Variants in YAF2 observed in about 807,000 individuals in gnomAD.
YAF2 encodes the protein YY1-associated factor 2.
YAF2 carries 7 observed loss-of-function variants against 20.1 expected under a neutral mutation model. The ratio of observed to expected loss-of-function variants is 0.35; its 90% CI spans 0.20 to 0.65. The LOEUF (loss-of-function observed/expected upper bound fraction) is 0.65. Ranked by LOEUF, YAF2 falls within the 30% of genes least tolerant of loss-of-function variation. The pLI, the probability that YAF2 is intolerant of heterozygous loss-of-function variation, is 0.69. For synonymous variants in YAF2, 74 were observed against 76.0 expected, an observed-to-expected ratio of 0.97 and a Z score of 0.14; for missense variants, 151 against 219.2, an observed-to-expected ratio of 0.69 and a Z score of 1.96.
At chr12:42,167,952 T>C (rs1445285700) in intron 2 of YAF2, among the ~76,000 whole-genome samples, 2 of 152,184 alleles carry the variant, frequency 1.3e-5, no homozygotes, top group Non-Finnish European at 2.9e-5. Flanking sequence ...TCTGACTGCA[T>C]CCCAAGATTA....
In YAF2 at chr12:42,220,110, C is replaced by T. The variant is rs191803376; in HGVS notation, c.152+17489G>A. On this transcript the variant is annotated intron_variant, in intron 2 of 3. Coordinates refer to ENST00000534854, the MANE Select transcript of YAF2 (RefSeq NM_005748.6). ...AGAAGGCCCTAAAATGGGAAAAAGT[C>T]TACTTTTTTCCCATTCTTCCAATGA... is the stretch of plus-strand genomic sequence containing the variant. Among the ~76,000 whole-genome samples the T allele has an allele frequency of 1.7e-3, 263 of 152,230 alleles. 1 individual carries two copies. Among genetic ancestry groups the T allele is most frequent in the Non-Finnish European group, 3.0e-3 (201 of 68,016 alleles).
chr12:42,235,960 T>G (rs988346912), intron 2 of YAF2: 11 of 1,535,996 alleles, frequency 7.2e-6, no homozygotes, highest in Non-Finnish European at 9.6e-6. Context: ...AGACTGGCTG[T>G]GGAGTAGGAC....
chr12:42,238,176 C>G lies in YAF2; in HGVS notation c.5G>C (p.Gly2Ala). 6.5e-7 allele frequency: 1 copy of G among 1,544,648 alleles called. No individual in the cohort carries two copies. The highest frequency in any genetic ancestry group is 1.2e-5 in the South Asian group (1 of 84,672). ...TTACCTGGTGGGGCTCTTCTTGTCT[C>G]CCATGGCTTGGCTATCACCGCACGC... is the stretch of plus-strand genomic sequence containing the variant. M[G>A]DKKSPTRPKR... Residue 2 changes from glycine (G) to alanine (A), a missense_variant, in exon 1 of 4, where the codon GGA becomes GCA. This residue lies in a region of YAF2 where 50 missense variants were observed against 58.3 expected (regional missense o/e 0.86). Coordinates refer to ENST00000534854, the MANE Select transcript of YAF2 (RefSeq NM_005748.6).
At position 42,158,917 on chromosome 12, in the gene YAF2, C is replaced by A. The variant is rs1205801151; in HGVS notation, c.*1672G>T. 1.8e-4 allele frequency: 27 copies of A among 152,000 alleles called. No individual in the cohort carries two copies. The highest frequency in any genetic ancestry group is 4.4e-5 in the Non-Finnish European group (3 of 67,952). The allele number at this position is 152,000 out of a possible 1,614,324, so 9.4% of individuals were successfully genotyped here. A position where few individuals can be genotyped will look rare whatever the true frequency, so the allele number is the denominator to read the frequency against. ...TAAAACATTTGAAACATGTTAAAAA[C>A]AGAATAAGACAAAAAAATTCATGTT... On this transcript the variant is annotated 3_prime_UTR_variant, in exon 4 of 4. Transcript: ENST00000534854.
At chr12:42,229,433 AAAAC>A (rs1003826347) in intron 2 of YAF2, among the ~76,000 whole-genome samples, 20 of 151,422 alleles carry the variant, frequency 1.3e-4, no homozygotes, top group African/African-American at 4.6e-4. Flanking sequence ...AAAAAAAAAA[AAAAC>A]ATTTAAATAT....
intron 2 of YAF2, among the ~76,000 whole-genome samples, chr12:42,173,713 AATTT>A (rs1360135618): frequency 6.6e-6 from 1 of 152,182 alleles, no homozygotes; most frequent in Admixed American, 6.5e-5. Context: ...TGCTTCCATT[AATTT>A]ATTTAACAAA....
chr12:42,190,499 TTC>T (rs1383877852), intron 2 of YAF2, among the ~76,000 whole-genome samples: 1 of 152,226 alleles, frequency 6.6e-6, no homozygotes, highest in Admixed American at 6.5e-5. Context: ...TAACTATTTT[TTC>T]TGTTTTCTAA....
At chr12:42,198,302 G>A (rs2066806857) in intron 2 of YAF2, among the ~76,000 whole-genome samples, 1 of 152,168 alleles carries the variant, frequency 6.6e-6, no homozygotes, top group Non-Finnish European at 1.5e-5. Flanking sequence ...TCAGAATGAA[G>A]CCAGGCACAG....
intron 2 of YAF2, among the ~76,000 whole-genome samples, chr12:42,190,241 AG>A (rs1184014535): frequency 6.6e-6 from 1 of 152,094 alleles, no homozygotes; most frequent in African/African-American, 2.4e-5. Context: ...ATACTTTGGA[AG>A]TTGAGGAAGG....
At chr12:42,204,913 G>C (rs2137184280) in intron 2 of YAF2, among the ~76,000 whole-genome samples, 1 of 152,198 alleles carries the variant, frequency 6.6e-6, no homozygotes, top group East Asian at 1.9e-4. Context: ...CCTAAGGATA[G>C]AGGGTTAGGA....
At chr12:42,205,055 TA>T (rs200657939) in intron 2 of YAF2, among the ~76,000 whole-genome samples, 3,915 of 144,544 alleles carry the variant, frequency 0.027, 109 homozygotes, top group East Asian at 0.083. Context: ...AAGTTGTTAT[TA>T]AAAAAAAAAA....
At chr12:42,171,520 G>GA (rs1565602151) in intron 2 of YAF2, among the ~76,000 whole-genome samples, 1 of 150,210 alleles carries the variant, frequency 6.7e-6, no homozygotes, top group Non-Finnish European at 1.5e-5. Context: ...AAAAAAAAAA[G>GA]AAAGAAAGAA....
intron 2 of YAF2, among the ~76,000 whole-genome samples, chr12:42,204,316 C>T (rs536762893): frequency 1.3e-5 from 2 of 152,154 alleles, no homozygotes; most frequent in Admixed American, 6.5e-5. Context: ...ATATAGTCAG[C>T]GCTCCATATC....
intron 2 of YAF2, among the ~76,000 whole-genome samples, chr12:42,192,168 A>G (rs1325581093): frequency 1.3e-5 from 2 of 152,190 alleles, no homozygotes; most frequent in Non-Finnish European, 2.9e-5. Flanking sequence ...AAAACTTGAG[A>G]GATAGGCAGA....
chr12:42,200,699 A>G (rs186782385), intron 2 of YAF2, among the ~76,000 whole-genome samples: 3 of 152,310 alleles, frequency 2.0e-5, no homozygotes, highest in East Asian at 3.9e-4. Flanking sequence ...AACCACTATC[A>G]TAAGTGTGGG....
chr12:42,170,361 T>TC (rs1170586178), intron 2 of YAF2, among the ~76,000 whole-genome samples: 3 of 152,192 alleles, frequency 2.0e-5, no homozygotes, highest in Admixed American at 2.0e-4. Context: ...CTTCCATCTT[T>TC]CCCTTTTTAA....
At chr12:42,227,631 C>T (rs1324605194) in intron 2 of YAF2, among the ~76,000 whole-genome samples, 2 of 149,506 alleles carry the variant, frequency 1.3e-5, no homozygotes, top group Admixed American at 6.6e-5. Flanking sequence ...AGTTAGGAGC[C>T]CCTCCGCCCA....
Position 42,220,252 on chromosome 12 carries a change from T to G in YAF2, c.152+17347A>C, listed in dbSNP as rs556496573. ...GGAATGATAATATGAAAATAATCAT[T>G]ACTATCTTCCTCCTTATACTTCCTT... is the stretch of plus-strand genomic sequence containing the variant. On this transcript the variant is annotated intron_variant, in intron 2 of 3. Coordinates refer to ENST00000534854, the MANE Select transcript of YAF2 (RefSeq NM_005748.6). 7.9e-5 allele frequency among the ~76,000 whole-genome samples: 12 copies of G among 152,350 alleles called. No homozygotes were observed. The South Asian group carries it at 2.3e-3, about 29-fold the overall frequency.
intron 2 of YAF2, among the ~76,000 whole-genome samples, chr12:42,187,015 T>C (rs960354954): frequency 1.3e-5 from 2 of 152,206 alleles, no homozygotes; most frequent in South Asian, 4.1e-4. Flanking sequence ...GAACTTGATA[T>C]ATATAGTTCA....
Sources: gnomAD v4.1 joint callset for allele counts (sites outside exome capture counted in the v4.1 genomes callset) on GRCh38, gnomAD v4.1.1 for gene constraint, gnomAD v4.1.1 regional missense constraint, MANE v1.5 for transcripts, NCBI Gene and HGNC (gene_info 2026-07-23, HGNC 2026-07-21) for gene names.